The following SFMBT2 variants were observed in gnomAD, a reference collection of about 807,000 sequenced individuals.
SFMBT2 encodes the protein Scm like with four mbt domains 2, also known as scm-like with four MBT domains protein 2.
In SFMBT2, 38 loss-of-function variants were observed where a neutral mutation model predicts 110.1. The ratio of observed to expected loss-of-function variants is 0.35; its 90% CI spans 0.27 to 0.45. The LOEUF (loss-of-function observed/expected upper bound fraction) is 0.45. Among genes scored for constraint, SFMBT2 ranks in the 20% least tolerant of loss-of-function variants. The probability of loss-of-function intolerance (pLI) is 1.00; values close to 1 mark genes in which losing one functional copy is unlikely to be tolerated. For synonymous variants in SFMBT2, 425 were observed against 425.4 expected, an observed-to-expected ratio of 1.00 and a Z score of 0.01; for missense variants, 1,011 against 1,094.9, an observed-to-expected ratio of 0.92 and a Z score of 1.08.
intron 20 of SFMBT2, chr10:7,164,515 T>C (rs1837642136): frequency 1.1e-6 from 1 of 892,866 alleles, no homozygotes; most frequent in African/African-American, 1.8e-5. Context: ...CGGGAATTGC[T>C]TCCCAAGCTT....
intron 4 of SFMBT2, among the ~76,000 whole-genome samples, chr10:7,343,710 G>A (rs576682258): frequency 6.6e-6 from 1 of 152,268 alleles, no homozygotes; most frequent in South Asian, 2.1e-4. Context: ...GTCTATTCAT[G>A]TCCTTTGCCC....
At chr10:7,382,348 T>TG (rs1207618412) in intron 1 of SFMBT2, among the ~76,000 whole-genome samples, 2 of 152,068 alleles carry the variant, frequency 1.3e-5, no homozygotes, top group African/African-American at 4.8e-5. Context: ...AGGCAGAGAT[T>TG]GCAGTGAGCT....
intron 15 of SFMBT2, among the ~76,000 whole-genome samples, chr10:7,190,259 C>T (rs918356448): frequency 6.6e-6 from 1 of 152,174 alleles, no homozygotes; most frequent in Non-Finnish European, 1.5e-5. Context: ...GTACAATTTA[C>T]AGAAACTCAG....
intron 7 of SFMBT2, among the ~76,000 whole-genome samples, chr10:7,250,661 G>A (rs1441827239): frequency 6.6e-6 from 1 of 152,160 alleles, no homozygotes; most frequent in African/African-American, 2.4e-5. Context: ...TCTCAAAACT[G>A]CTTTCACAGT....
intron 4 of SFMBT2, among the ~76,000 whole-genome samples, chr10:7,331,457 G>A (rs947906730): frequency 1.3e-5 from 2 of 152,214 alleles, no homozygotes; most frequent in African/African-American, 4.8e-5. Flanking sequence ...AAGACAGGAT[G>A]TCAGAGTCGG....
chr10:7,269,834 T>C (rs921095923), intron 7 of SFMBT2, among the ~76,000 whole-genome samples: 2 of 151,622 alleles, frequency 1.3e-5, no homozygotes, highest in East Asian at 3.9e-4. Flanking sequence ...TCTCTTTTTT[T>C]TTTTTTAAAT....
chr10:7,357,216 G>A (rs907788990), intron 4 of SFMBT2, among the ~76,000 whole-genome samples: 3 of 152,110 alleles, frequency 2.0e-5, no homozygotes, highest in African/African-American at 7.2e-5. Flanking sequence ...CTGAATCCAC[G>A]CCTGGCAGGG....
chr10:7,204,470 T>G, intron 12 of SFMBT2: 1 of 984,474 alleles, frequency 1.0e-6, no homozygotes, highest in Admixed American at 6.1e-5. Context: ...GGACTCATCA[T>G]TTTAAATAAC....
intron 9 of SFMBT2, among the ~76,000 whole-genome samples, chr10:7,241,681 C>T (rs1840434664): frequency 6.6e-6 from 1 of 152,108 alleles, no homozygotes; most frequent in Non-Finnish European, 1.5e-5. Context: ...TAATGTAAAA[C>T]AATTTTCTTA....
intron 20 of SFMBT2, among the ~76,000 whole-genome samples, chr10:7,169,038 C>T (rs946594426): frequency 8.5e-5 from 13 of 152,210 alleles, no homozygotes; most frequent in African/African-American, 3.1e-4. Flanking sequence ...TCTCGGCTCA[C>T]TGCTACCTCT....
intron 12 of SFMBT2, 150 bp from the exon 13 acceptor site, chr10:7,202,672 T>C: frequency 6.6e-7 from 1 of 1,518,748 alleles, no homozygotes; most frequent in Non-Finnish European, 8.8e-7. Flanking sequence ...CAATTTCCTA[T>C]CAGTTTCTTC....
At chr10:7,379,436 A>AAG (rs1217145778) in intron 2 of SFMBT2, among the ~76,000 whole-genome samples, 1 of 152,038 alleles carries the variant, frequency 6.6e-6, no homozygotes, top group Admixed American at 6.6e-5. Context: ...TTAGTAAAAA[A>AAG]AAAATAAGCT....
At chr10:7,219,372 GT>G (rs1481214396) in intron 11 of SFMBT2, among the ~76,000 whole-genome samples, 1 of 152,146 alleles carries the variant, frequency 6.6e-6, no homozygotes, top group African/African-American at 2.4e-5. Context: ...CTTCAGTAAC[GT>G]TTTAAACAAT....
At chr10:7,228,379 A>C (rs1839963260) in intron 9 of SFMBT2, 1 of 809,820 alleles carries the variant, frequency 1.2e-6, no homozygotes, top group South Asian at 6.1e-5. Flanking sequence ...AAAAAATTAA[A>C]AAAAAAAAAA....
intron 4 of SFMBT2, among the ~76,000 whole-genome samples, chr10:7,305,741 C>A (rs1431128075): frequency 2.0e-5 from 3 of 152,212 alleles, no homozygotes; most frequent in African/African-American, 4.8e-5. Flanking sequence ...TAGAAGAATG[C>A]AGGAGAGGCA....
Position 7,340,655 on chromosome 10 carries a change from C to CAAA in SFMBT2, c.436+26991_436+26993dup, listed in dbSNP as rs776262305. Among the ~76,000 whole-genome samples, 571 of 86,744 alleles carry CAAA rather than the reference C, an allele frequency of 6.6e-3. 4 individuals are homozygous for CAAA. The highest frequency in any genetic ancestry group is 0.015 in the African/African-American group (329 of 22,014). 56.9% of individuals were successfully genotyped at this position (86,744 alleles called of 152,430 possible). A position where few individuals can be genotyped will look rare whatever the true frequency, so the allele number is the denominator to read the frequency against. ...CGGGCAACAGAACAAGAACCTATCT[C>CAAA]AAAAAAAAAAAAAAAAAAAAATACT... On this transcript the variant is annotated intron_variant, in intron 4 of 20. Coordinates refer to ENST00000397167, the MANE Select transcript of SFMBT2 (RefSeq NM_001387889.1).
intron 7 of SFMBT2, among the ~76,000 whole-genome samples, chr10:7,251,027 C>T (rs1192368288): frequency 6.6e-6 from 1 of 152,064 alleles, no homozygotes; most frequent in East Asian, 1.9e-4. Context: ...TTGAATGTTT[C>T]TAGCACAAAG....
intron 5 of SFMBT2, chr10:7,284,358 T>A (rs1357234680): frequency 2.3e-6 from 3 of 1,310,838 alleles, no homozygotes; most frequent in East Asian, 5.8e-5. Context: ...CCATTCCGTA[T>A]CCAACAACAA....
intron 2 of SFMBT2, among the ~76,000 whole-genome samples, chr10:7,373,426 G>C (rs970181713): frequency 6.6e-6 from 1 of 152,170 alleles, no homozygotes; most frequent in African/African-American, 2.4e-5. Context: ...GAAACAGAAT[G>C]AAACAGTGGT....
Sources: gnomAD v4.1 joint callset for allele counts (sites outside exome capture counted in the v4.1 genomes callset) on GRCh38, gnomAD v4.1.1 for gene constraint, MANE v1.5 for transcripts, NCBI Gene and HGNC (gene_info 2026-07-23, HGNC 2026-07-21) for gene names.